DCDC1: variants seen among roughly 807,000 people sequenced by gnomAD.
DCDC1 encodes the protein doublecortin domain containing 1.
DCDC1 carries 200 observed loss-of-function variants against 178.3 expected under a neutral mutation model. The observed-to-expected ratio is 1.12, with a 90% CI of 1.00 to 1.26. DCDC1 has a LOEUF of 1.26. DCDC1 is among the 50% of genes most tolerant of loss of function. The probability of loss-of-function intolerance (pLI) is 0.00; values close to 1 mark genes in which losing one functional copy is unlikely to be tolerated. For missense variants in DCDC1, 1,983 were observed against 1,749.2 expected (o/e 1.13, Z -2.38); for synonymous variants, 690 against 604.8 (o/e 1.14, Z -2.07).
chr11:31,160,731 G>GA (rs1305256519), intron 9 of DCDC1, among the ~76,000 whole-genome samples: 14 of 152,112 alleles, frequency 9.2e-5, no homozygotes, highest in Admixed American at 2.6e-4. Flanking sequence ...ACAGTTTAAT[G>GA]AAGGGCATTT....
Position 31,287,891 on chromosome 11 carries a change from G to C in DCDC1, c.960+2756C>G, listed in dbSNP as rs111669915. Reference sequence around the variant, plus strand: ...CATAGAAAACAGCCAGTTCAAAAGGGAGCAAGAGGACAGCGTTTTTTTTTT... The same window carrying C: ...CATAGAAAACAGCCAGTTCAAAAGGCAGCAAGAGGACAGCGTTTTTTTTTT... On this transcript the variant is annotated intron_variant, in intron 7 of 38. Transcript: ENST00000684477. Among the ~76,000 whole-genome samples, 1,248 of 150,884 alleles carry C rather than the reference G, an allele frequency of 8.3e-3. 22 individuals carry two copies. The highest frequency in any genetic ancestry group is 0.029 in the African/African-American group (1,193 of 41,156).
intron 20 of DCDC1, among the ~76,000 whole-genome samples, chr11:31,054,229 GA>G (rs1292453213): frequency 8.6e-6 from 1 of 115,924 alleles, no homozygotes; most frequent in Non-Finnish European, 1.8e-5. Context: ...TACAATAGCT[GA>G]AAAAAGGAAA....
intron 20 of DCDC1, among the ~76,000 whole-genome samples, chr11:31,054,690 C>G (rs941934155): frequency 6.6e-6 from 1 of 152,142 alleles, no homozygotes; most frequent in Non-Finnish European, 1.5e-5. Flanking sequence ...CAAATACTTA[C>G]AGCCAACTGA....
At chr11:31,108,249 C>A (rs1958981391) in intron 12 of DCDC1, among the ~76,000 whole-genome samples, 2 of 152,172 alleles carry the variant, frequency 1.3e-5, no homozygotes, top group Non-Finnish European at 2.9e-5. Context: ...GGCATTAATA[C>A]TTCCCATCCA....
At chr11:31,200,729 TA>T (rs2136429696) in intron 9 of DCDC1, among the ~76,000 whole-genome samples, 1 of 152,132 alleles carries the variant, frequency 6.6e-6, no homozygotes, top group African/African-American at 2.4e-5. Context: ...TTTCCAGAAA[TA>T]AGGTAACAAG....
At chr11:31,122,049 G>A (rs563011646) in intron 11 of DCDC1, among the ~76,000 whole-genome samples, 2 of 152,196 alleles carry the variant, frequency 1.3e-5, no homozygotes, top group South Asian at 4.1e-4. Flanking sequence ...AGGTAACTGA[G>A]TTAGAGATGG....
chr11:31,075,283 A>G (rs1956799198), intron 18 of DCDC1, among the ~76,000 whole-genome samples: 2 of 152,008 alleles, frequency 1.3e-5, no homozygotes, highest in Admixed American at 6.6e-5. Flanking sequence ...TTTCTTGTCT[A>G]TTTGTTCACT....
intron 7 of DCDC1, among the ~76,000 whole-genome samples, chr11:31,288,412 T>C (rs895734725): frequency 6.6e-6 from 1 of 151,960 alleles, no homozygotes; most frequent in Admixed American, 6.6e-5. Context: ...AGTAAAGGAA[T>C]ATATCATTTT....
At chr11:31,138,713 A>T (rs1963460158) in intron 9 of DCDC1, among the ~76,000 whole-genome samples, 1 of 152,216 alleles carries the variant, frequency 6.6e-6, no homozygotes, top group Non-Finnish European at 1.5e-5. Context: ...TGCCTGGAAA[A>T]TCATGTCTGA....
At chr11:31,240,376 A>T (rs1197344707) in intron 9 of DCDC1, among the ~76,000 whole-genome samples, 4 of 152,018 alleles carry the variant, frequency 2.6e-5, no homozygotes, top group African/African-American at 9.7e-5. Flanking sequence ...TGCTGAATAT[A>T]ACGAGACAAA....
At chr11:30,971,672 C>T (rs866605498) in intron 20 of DCDC1, among the ~76,000 whole-genome samples, 6 of 140,798 alleles carry the variant, frequency 4.3e-5, no homozygotes, top group Non-Finnish European at 6.0e-5. Context: ...TGCAGTGGCG[C>T]GATCTTGGCT....
chr11:31,040,314 A>C (rs559752593), intron 20 of DCDC1, among the ~76,000 whole-genome samples: 1 of 152,322 alleles, frequency 6.6e-6, no homozygotes, highest in South Asian at 2.1e-4. Context: ...CAATATTTGC[A>C]CAATGGATCT....
chr11:31,025,376 A>T (rs1485798046), intron 20 of DCDC1, among the ~76,000 whole-genome samples: 1 of 151,792 alleles, frequency 6.6e-6, no homozygotes, highest in Non-Finnish European at 1.5e-5. Flanking sequence ...CAATATCTAC[A>T]TATATTTCAG....
intron 9 of DCDC1, among the ~76,000 whole-genome samples, chr11:31,202,325 C>T (rs952430280): frequency 2.6e-5 from 4 of 151,932 alleles, no homozygotes; most frequent in South Asian, 2.1e-4. Context: ...CACTTTGGGA[C>T]GCCGAGGCGG....
At chr11:31,063,247 C>T (rs1018720835) in intron 20 of DCDC1, among the ~76,000 whole-genome samples, 3 of 151,978 alleles carry the variant, frequency 2.0e-5, no homozygotes, top group African/African-American at 7.2e-5. Context: ...TTTTACACTG[C>T]TGGTGGGACT....
At chr11:30,903,138 T>C (rs1944819033) in intron 32 of DCDC1, among the ~76,000 whole-genome samples, 1 of 152,016 alleles carries the variant, frequency 6.6e-6, no homozygotes. Flanking sequence ...TGGTTCTGAG[T>C]AAGAACAAAA....
intron 12 of DCDC1, 100 bp from the exon 13 acceptor site, chr11:31,107,060 C>A: frequency 4.9e-6 from 3 of 612,266 alleles, no homozygotes; most frequent in South Asian, 2.1e-5. Flanking sequence ...CAAATGAAGT[C>A]CAAACAAATG....
In DCDC1 at chr11:31,153,207, A is replaced by C. The variant is rs1965356688; in HGVS notation, c.1222-15423T>G. Among the ~76,000 whole-genome samples the C allele has an allele frequency of 2.0e-5, 3 of 152,140 alleles. 1 individual carries two copies. The South Asian group carries it at 6.2e-4, about 32-fold the overall frequency. On this transcript the variant is annotated intron_variant, in intron 9 of 38. Transcript: ENST00000684477. ...AGGTTAGAAACCCAAGCTCTTTATCATGGCATTACTATCTGGCTTCTCCCT... is the reference window on the plus strand; with the variant it reads ...AGGTTAGAAACCCAAGCTCTTTATCCTGGCATTACTATCTGGCTTCTCCCT...
chr11:31,114,263 ATTGAAG>A (rs1395464084), intron 11 of DCDC1, among the ~76,000 whole-genome samples: 1 of 152,156 alleles, frequency 6.6e-6, no homozygotes, highest in Non-Finnish European at 1.5e-5. Context: ...AAGAGAAGAA[ATTGAAG>A]TGGAAAGAGA....
Sources: gnomAD v4.1 joint callset for allele counts (sites outside exome capture counted in the v4.1 genomes callset) on GRCh38, gnomAD v4.1.1 for gene constraint, MANE v1.5 for transcripts, NCBI Gene and HGNC (gene_info 2026-07-23, HGNC 2026-07-21) for gene names.